The following AGAP1 variants were observed in gnomAD, a reference collection of about 807,000 sequenced individuals.
The protein encoded by AGAP1 is ArfGAP with GTPase domain, ankyrin repeat and PH domain 1, also known as arf-GAP with GTPase, ANK repeat and PH domain-containing protein 1.
A neutral mutation model predicts 105.3 loss-of-function variants in AGAP1; 29 were observed. The ratio of observed to expected loss-of-function variants is 0.28; its 90% CI spans 0.21 to 0.38. The LOEUF is 0.38. AGAP1 is among the 10% of genes least tolerant of loss of function. AGAP1 has a pLI of 1.00. For synonymous variants in AGAP1, 509 were observed against 485.9 expected (o/e 1.05, Z -0.63); for missense variants, 998 against 1,165.1 (o/e 0.86, Z 2.09).
chr2:235,829,996 G>A (rs1439158016), intron 9 of AGAP1, among the ~76,000 whole-genome samples: 7 of 152,166 alleles, frequency 4.6e-5, no homozygotes, highest in African/African-American at 1.7e-4. Context: ...GGGGCACATG[G>A]GGACCAGGAC....
chr2:235,592,853 A>T (rs193093084), intron 1 of AGAP1, among the ~76,000 whole-genome samples: 1 of 152,078 alleles, frequency 6.6e-6, no homozygotes, highest in East Asian at 1.9e-4. Context: ...GAAATGGAAG[A>T]TGGAGGTGGG....
intron 1 of AGAP1, among the ~76,000 whole-genome samples, chr2:235,567,845 T>G (rs1944396530): frequency 6.6e-6 from 1 of 151,042 alleles, no homozygotes; most frequent in South Asian, 2.1e-4. Context: ...AGGACAAAGA[T>G]GAAGGTGGAA....
chr2:235,900,163 G>A lies in AGAP1; in HGVS notation c.1156-8575G>A, dbSNP rs969567406. On this transcript the variant is annotated intron_variant, in intron 10 of 17. Transcript: ENST00000304032. This position sits in a 1 kb window ranked among gnomAD's most constrained non-coding sequence, Gnocchi z 5.5. Reference sequence around the variant, plus strand: ...CCTCACCAGCCTTCTCGTTTACCACGTGTAGCATAATGACCCAGACCCAAT... The same window carrying A: ...CCTCACCAGCCTTCTCGTTTACCACATGTAGCATAATGACCCAGACCCAAT... Among the ~76,000 whole-genome samples, 6 of 152,148 alleles carry A rather than the reference G, an allele frequency of 3.9e-5. No individual in the cohort carries two copies. The highest frequency in any genetic ancestry group is 1.4e-4 in the African/African-American group (6 of 41,420).
intron 1 of AGAP1, among the ~76,000 whole-genome samples, chr2:235,695,831 G>A (rs1949972276): frequency 6.6e-6 from 1 of 152,186 alleles, no homozygotes; most frequent in Non-Finnish European, 1.5e-5. Flanking sequence ...CCTTCACAAG[G>A]AGGTGGCTTC....
At chr2:235,602,448 G>A (rs971175714) in intron 1 of AGAP1, among the ~76,000 whole-genome samples, 6 of 151,966 alleles carry the variant, frequency 3.9e-5, no homozygotes, top group South Asian at 2.1e-4. Flanking sequence ...CTCTTTGCCC[G>A]CCAGGCTCAC....
intron 1 of AGAP1, among the ~76,000 whole-genome samples, chr2:235,531,430 T>G (rs1057461923): frequency 2.6e-5 from 4 of 152,262 alleles, no homozygotes; most frequent in Middle Eastern, 3.4e-3. Context: ...TGGCTGCCTG[T>G]CCTCATCTCT....
At chr2:235,923,666 G>T (rs1244563179) in intron 11 of AGAP1, among the ~76,000 whole-genome samples, 2 of 152,192 alleles carry the variant, frequency 1.3e-5, no homozygotes, top group African/African-American at 4.8e-5. Flanking sequence ...CGCAGTTGTG[G>T]CCCGTGTCAG....
At chr2:235,503,196 T>C (rs1226675619) in intron 1 of AGAP1, among the ~76,000 whole-genome samples, 1 of 152,162 alleles carries the variant, frequency 6.6e-6, no homozygotes, top group Admixed American at 6.5e-5. Flanking sequence ...GAAAAAGAAA[T>C]TGATTTGGAA....
At position 235,788,208 on chromosome 2, in the gene AGAP1, G is replaced by A. The variant is rs977948059; in HGVS notation, c.674-9551G>A. 1.3e-5 allele frequency among the ~76,000 whole-genome samples: 2 copies of A among 151,874 alleles called. No individual in the cohort carries two copies. The highest frequency in any genetic ancestry group is 1.9e-4 in the East Asian group (1 of 5,194). Reference sequence around the variant, plus strand: ...GCAGAGTGCCATACTGGGACCCTACGGTACAGCCAGCCGGAGACACAGGGT... The same window carrying A: ...GCAGAGTGCCATACTGGGACCCTACAGTACAGCCAGCCGGAGACACAGGGT... On this transcript the variant is annotated intron_variant, in intron 6 of 17. Transcript: ENST00000304032. The surrounding 1 kb of genome is among the most constrained non-coding windows in gnomAD (Gnocchi z 6.0).
At chr2:235,643,499 T>C (rs910262009) in intron 1 of AGAP1, among the ~76,000 whole-genome samples, 1 of 146,402 alleles carries the variant, frequency 6.8e-6, no homozygotes, top group African/African-American at 2.5e-5. Flanking sequence ...TTTCCACACA[T>C]TATCTTTTAA....
intron 6 of AGAP1, among the ~76,000 whole-genome samples, chr2:235,762,946 GAAGA>G (rs1251115708): frequency 6.6e-6 from 1 of 152,132 alleles, no homozygotes; most frequent in Non-Finnish European, 1.5e-5. Flanking sequence ...TTGCCAAAGA[GAAGA>G]AAGATGATTT....
At chr2:235,808,785 T>C (rs996341740) in intron 9 of AGAP1, among the ~76,000 whole-genome samples, 2 of 152,164 alleles carry the variant, frequency 1.3e-5, no homozygotes, top group Non-Finnish European at 2.9e-5. Flanking sequence ...GGAGAAATTC[T>C]CTTCCCTCCA....
intron 1 of AGAP1, among the ~76,000 whole-genome samples, chr2:235,497,754 C>G (rs774456461): frequency 3.9e-5 from 6 of 152,232 alleles, no homozygotes; most frequent in Non-Finnish European, 8.8e-5. Context: ...ACCACCTCGC[C>G]TGGCTAATTT....
In AGAP1 at chr2:236,074,034, T is replaced by C. The variant is rs201470067; in HGVS notation, c.2114+24753T>C. On this transcript the variant is annotated intron_variant, in intron 16 of 17. Transcript: ENST00000304032. ...GGACATTTGGAAATGCCTGGAGACA[T>C]CCTGGATTGTCCCAGCGTGGTGGGG... Among the ~76,000 whole-genome samples the C allele has an allele frequency of 1.3e-4, 20 of 152,314 alleles. No homozygotes were observed. In the East Asian group the frequency reaches 3.9e-3, roughly 29 times the overall value.
In AGAP1 at chr2:235,608,207, G is replaced by A. The variant is rs192128129; in HGVS notation, c.164-100972G>A. Among the ~76,000 whole-genome samples, 6 of 152,170 alleles carry A rather than the reference G, an allele frequency of 3.9e-5. No individual in the cohort carries two copies. The highest frequency in any genetic ancestry group is 7.4e-5 in the Non-Finnish European group (5 of 68,020). ...AGCATCTCTTCTCTGCTTGGCCCAC[G>A]TCTAGCAGTTCTTCTTCATCTTGCA... On this transcript the variant is annotated intron_variant, in intron 1 of 17. Transcript: ENST00000304032. The surrounding 1 kb of genome is among the most constrained non-coding windows in gnomAD (Gnocchi z 5.4).
intron 1 of AGAP1, among the ~76,000 whole-genome samples, chr2:235,677,833 T>G (rs1948828809): frequency 7.1e-6 from 1 of 140,218 alleles, no homozygotes; most frequent in Non-Finnish European, 1.5e-5. Flanking sequence ...CACTCAGATA[T>G]CACTTCTGTT....
At position 235,905,292 on chromosome 2, in the gene AGAP1, G is replaced by T. The variant is rs2051250882; in HGVS notation, c.1156-3446G>T. Among the ~76,000 whole-genome samples, 1 of 152,150 alleles carries T rather than the reference G, an allele frequency of 6.6e-6. No individual in the cohort carries two copies. ...TAATTTGTTAAGAATTGGCATTAAG[G>T]AAGAAAGTTATAGCAAGTTGATATT... On this transcript the variant is annotated intron_variant, in intron 10 of 17. Transcript: ENST00000304032. The surrounding 1 kb of genome is among the most constrained non-coding windows in gnomAD (Gnocchi z 4.2).
chr2:235,670,372 T>TTTCCGCACC (rs902428306), intron 1 of AGAP1: 4 of 547,632 alleles, frequency 7.3e-6, no homozygotes, highest in African/African-American at 4.0e-5. Context: ...GCGCTTGGGA[T>TTTCCGCACC]TTCCGCACCT....
At chr2:235,730,279 G>A (rs1951869182) in intron 3 of AGAP1, among the ~76,000 whole-genome samples, 1 of 152,044 alleles carries the variant, frequency 6.6e-6, no homozygotes, top group South Asian at 2.1e-4. Context: ...GTCGGCAGCC[G>A]AGTAACTGCC....
Sources: gnomAD v4.1 joint callset for allele counts (sites outside exome capture counted in the v4.1 genomes callset) on GRCh38, gnomAD v4.1.1 for gene constraint, Gnocchi (gnomAD v3.1) non-coding constraint, MANE v1.5 for transcripts, NCBI Gene and HGNC (gene_info 2026-07-23, HGNC 2026-07-21) for gene names.